The following EPHA5 variants were observed in gnomAD, a reference collection of about 807,000 sequenced individuals.
The protein encoded by EPHA5 is EPH receptor A5.
In EPHA5, 60 loss-of-function variants were observed where a neutral mutation model predicts 105.0. The ratio of observed to expected loss-of-function variants is 0.57; its 90% CI spans 0.46 to 0.71. The LOEUF (loss-of-function observed/expected upper bound fraction) is 0.71, where lower values mean the gene tolerates loss of function less well. EPHA5 is among the 30% of genes least tolerant of loss of function. The probability of loss-of-function intolerance (pLI) is 0.00; values close to 1 mark genes in which losing one functional copy is unlikely to be tolerated. For missense variants in EPHA5, 1,218 were observed against 1,274.7 expected, an observed-to-expected ratio of 0.96 and a Z score of 0.68; for synonymous variants, 513 against 449.1, an observed-to-expected ratio of 1.14 and a Z score of -1.80.
In EPHA5 at chr4:65,321,842, C is replaced by A. The variant is rs1719662170; in HGVS notation, c.*2272G>T. The A allele has an allele frequency of 4.4e-6, 1 of 226,874 alleles. No individual in the cohort carries two copies. The highest frequency in any genetic ancestry group is 5.7e-5 in the Admixed American group (1 of 17,458). 14.1% of individuals were successfully genotyped at this position (226,874 alleles called of 1,614,324 possible). A position where few individuals can be genotyped will look rare whatever the true frequency, so the allele number is the denominator to read the frequency against. ...TATGTCTAAGCAATTGTGGCAAGTT[C>A]ATCAGCCCTAAAGCATATGGTAATT... On this transcript the variant is annotated 3_prime_UTR_variant, in exon 17 of 17. Transcript: ENST00000613740.
intron 7 of EPHA5, among the ~76,000 whole-genome samples, chr4:65,406,736 T>C (rs747879665): frequency 6.6e-6 from 1 of 152,152 alleles, no homozygotes; most frequent in East Asian, 1.9e-4. Context: ...TAGAACAAAC[T>C]GTTTAGCCCT....
chr4:65,330,551 G>T (rs1720513317), intron 16 of EPHA5: 1 of 437,606 alleles, frequency 2.3e-6, no homozygotes, highest in Non-Finnish European at 3.1e-6. Flanking sequence ...TAACAAAAGA[G>T]ACATTGTTTA....
At chr4:65,376,891 A>G in intron 8 of EPHA5, 3 of 951,934 alleles carry the variant, frequency 3.2e-6, no homozygotes, top group Non-Finnish European at 4.4e-6. Context: ...TTGGGGAGCC[A>G]GTTTTATTCT....
At chr4:65,352,576 C>T (rs560901623) in intron 12 of EPHA5, among the ~76,000 whole-genome samples, 2 of 151,930 alleles carry the variant, frequency 1.3e-5, no homozygotes, top group African/African-American at 4.8e-5. Context: ...CAAGTCGTGA[C>T]GGATCTTCAG....
intron 7 of EPHA5, among the ~76,000 whole-genome samples, chr4:65,408,088 A>G (rs566941584): frequency 6.6e-6 from 1 of 152,306 alleles, no homozygotes; most frequent in South Asian, 2.1e-4. Flanking sequence ...ATAAGAAATG[A>G]TTCATCAAGA....
At chr4:65,504,687 A>G (rs1732830835) in intron 3 of EPHA5, among the ~76,000 whole-genome samples, 1 of 151,868 alleles carries the variant, frequency 6.6e-6, no homozygotes, top group Non-Finnish European at 1.5e-5. Context: ...GAACTGACAC[A>G]TGGCTTTTTG....
chr4:65,645,117 A>C, intron 1 of EPHA5, among the ~76,000 whole-genome samples: 1 of 151,998 alleles, frequency 6.6e-6, no homozygotes, highest in East Asian at 1.9e-4. Flanking sequence ...CACTACATCT[A>C]ATTTTTCAGA....
Position 65,330,916 on chromosome 4 carries a change from A to G in EPHA5, c.2945+1057T>C, listed in dbSNP as rs529033490. 36 of 1,039,758 alleles carry G rather than the reference A, an allele frequency of 3.5e-5. No individual in the cohort carries two copies. In the African/African-American group the frequency reaches 6.0e-4, roughly 17 times the overall value. The allele number at this position is 1,039,758 out of a possible 1,614,324, so 64.4% of individuals were successfully genotyped here. On this transcript the variant is annotated intron_variant, in intron 16 of 16. Coordinates refer to ENST00000613740, the MANE Select transcript of EPHA5 (RefSeq NM_001281766.3). ...TCCTTTTAGTTATCGGTATGAAGGAAGAGAATGCTGAGAATGTGACATTAA... is the reference window on the plus strand; with the variant it reads ...TCCTTTTAGTTATCGGTATGAAGGAGGAGAATGCTGAGAATGTGACATTAA...
intron 5 of EPHA5, among the ~76,000 whole-genome samples, chr4:65,466,873 T>A (rs1728771355): frequency 6.6e-6 from 1 of 152,154 alleles, no homozygotes; most frequent in Admixed American, 6.5e-5. Flanking sequence ...GTCAGATACT[T>A]AGGATGGAGG....
At chr4:65,571,076 C>T (rs1006347314) in intron 3 of EPHA5, among the ~76,000 whole-genome samples, 2 of 151,676 alleles carry the variant, frequency 1.3e-5, no homozygotes, top group Admixed American at 6.6e-5. Context: ...TTCTTTTTCC[C>T]TCCCTCTTCC....
At chr4:65,440,544 AT>A (rs1160276654) in intron 5 of EPHA5, among the ~76,000 whole-genome samples, 1 of 148,300 alleles carries the variant, frequency 6.7e-6, no homozygotes, top group Admixed American at 6.8e-5. Flanking sequence ...AGAGGGAGGA[AT>A]TTTCTAATCT....
At chr4:65,514,656 C>A (rs775325566) in intron 3 of EPHA5, among the ~76,000 whole-genome samples, 1 of 152,132 alleles carries the variant, frequency 6.6e-6, no homozygotes, top group Non-Finnish European at 1.5e-5. Context: ...CAGTGGTTTT[C>A]ATCAACTGCA....
At position 65,669,900 on chromosome 4, in the gene EPHA5, C is replaced by G. The variant is rs542527503; in HGVS notation, c.-158G>C. 1 of 1,121,414 alleles carries G rather than the reference C, an allele frequency of 8.9e-7. No homozygotes were observed. The highest frequency in any genetic ancestry group is 1.6e-5 in the African/African-American group (1 of 62,362). The allele number at this position is 1,121,414 out of a possible 1,614,324, so 69.5% of individuals were successfully genotyped here. ...TCCTCCAAATGTAGGAACCACGGAT[C>G]CGGCTGAGACAGCTGAAGTTTGCTT... On this transcript the variant is annotated 5_prime_UTR_variant, in exon 1 of 17. Transcript: ENST00000613740.
intron 7 of EPHA5, among the ~76,000 whole-genome samples, chr4:65,410,742 C>A (rs528161563): frequency 6.6e-6 from 1 of 152,212 alleles, no homozygotes; most frequent in Non-Finnish European, 1.5e-5. Flanking sequence ...CAATTACATG[C>A]AAATCCACAA....
intron 5 of EPHA5, among the ~76,000 whole-genome samples, chr4:65,450,526 A>G (rs1209015015): frequency 6.6e-6 from 1 of 152,212 alleles, no homozygotes; most frequent in Non-Finnish European, 1.5e-5. Flanking sequence ...AAAATCTGGT[A>G]GACACTTGTT....
intron 2 of EPHA5, among the ~76,000 whole-genome samples, chr4:65,610,911 G>A (rs754223128): frequency 1.3e-5 from 2 of 152,128 alleles, no homozygotes; most frequent in African/African-American, 2.4e-5. Context: ...CTCCCACTAT[G>A]TATTTTTCAT....
intron 5 of EPHA5, among the ~76,000 whole-genome samples, chr4:65,455,290 G>A (rs1317708777): frequency 6.6e-6 from 1 of 151,952 alleles, no homozygotes; most frequent in Non-Finnish European, 1.5e-5. Flanking sequence ...ACTAAAAAAT[G>A]AAAATTATGT....
rs181302355 is a variant in EPHA5, at chr4:65,414,610, A to G, written c.1528-167T>C. On this transcript the variant is annotated intron_variant, in intron 6 of 16. Coordinates refer to ENST00000613740, the MANE Select transcript of EPHA5 (RefSeq NM_001281766.3). ...TACACATCCTAGGTGTGCTATTTAC[A>G]TAGAATATTAAAGTCTTTTCTAGAA... is the stretch of plus-strand genomic sequence containing the variant. 5.5e-3 allele frequency among the ~76,000 whole-genome samples: 843 copies of G among 152,322 alleles called. 14 individuals are homozygous for G. The highest frequency in any genetic ancestry group is 0.02 in the African/African-American group (813 of 41,580).
chr4:65,519,191 A>G (rs1476071139), intron 3 of EPHA5, among the ~76,000 whole-genome samples: 1 of 152,032 alleles, frequency 6.6e-6, no homozygotes, highest in African/African-American at 2.4e-5. Flanking sequence ...TAATAAATAT[A>G]AATATAAAAA....
Sources: allele counts gnomAD v4.1 joint callset (sites outside exome capture counted in the v4.1 genomes callset), GRCh38; gene constraint gnomAD v4.1.1; transcripts MANE v1.5; gene names NCBI Gene and HGNC (gene_info 2026-07-23, HGNC 2026-07-21).